The following SDK2 variants were observed in gnomAD, a reference collection of about 807,000 sequenced individuals.
SDK2 encodes protein sidekick-2.
In SDK2, 105 loss-of-function variants were observed where a neutral mutation model predicts 253.9. The observed-to-expected ratio is 0.41, with a 90% CI of 0.35 to 0.49. The LOEUF is 0.49. Ranked by LOEUF, SDK2 falls within the 20% of genes least tolerant of loss-of-function variation. The probability of loss-of-function intolerance (pLI) is 0.06; values close to 1 mark genes in which losing one functional copy is unlikely to be tolerated. For missense variants in SDK2, 2,608 were observed against 3,003.0 expected (o/e 0.87, Z 3.07); for synonymous variants, 1,249 against 1,234.9 (o/e 1.01, Z -0.24).
Position 73,612,876 on chromosome 17 carries a change from C to A in SDK2, c.64+31149G>T, listed in dbSNP as rs1342827454. ...AAGTTGCAGTGAGCCAAGATCGCGC[C>A]ATTGCACTCCAGCCTGGGTGACAGA... is the stretch of plus-strand genomic sequence containing the variant. On this transcript the variant is annotated intron_variant, in intron 1 of 44. Coordinates refer to ENST00000392650, the MANE Select transcript of SDK2 (RefSeq NM_001144952.2). The surrounding 1 kb of genome is among the most constrained non-coding windows in gnomAD (Gnocchi z 4.4). 6.6e-6 allele frequency among the ~76,000 whole-genome samples: 1 copy of A among 152,122 alleles called. No homozygotes were observed. The highest frequency in any genetic ancestry group is 1.5e-5 in the Non-Finnish European group (1 of 68,036).
intron 41 of SDK2, among the ~76,000 whole-genome samples, chr17:73,351,731 C>A (rs566512197): frequency 6.6e-6 from 1 of 152,310 alleles, no homozygotes; most frequent in East Asian, 1.9e-4. Context: ...CCAGCCAGGA[C>A]TACCCATGCT....
intron 13 of SDK2, among the ~76,000 whole-genome samples, 173 bp from the exon 14 acceptor site, chr17:73,423,695 TCCTGCTAAAGCCATCCTCACACCCC>T (rs1398640438): frequency 6.6e-6 from 1 of 152,166 alleles, no homozygotes; most frequent in Non-Finnish European, 1.5e-5. Flanking sequence ...ACCAGAGCCC[TCCTGCTAAAGCCATCCTCACACCCC>T]CCTGCTCTTG....
intron 1 of SDK2, among the ~76,000 whole-genome samples, chr17:73,611,521 G>A (rs1419775001): frequency 6.6e-6 from 1 of 152,230 alleles, no homozygotes; most frequent in Non-Finnish European, 1.5e-5. Context: ...CCAACACCTT[G>A]GCTGGGTGTG....
chr17:73,543,413 A>G (rs1391234317), intron 1 of SDK2, among the ~76,000 whole-genome samples: 3 of 152,224 alleles, frequency 2.0e-5, no homozygotes, highest in Non-Finnish European at 4.4e-5. Flanking sequence ...CACTCTGAGG[A>G]CAGGTGTGTG....
intron 1 of SDK2, among the ~76,000 whole-genome samples, chr17:73,545,099 G>GCACACACACACACACACACACA (rs58966207): frequency 0.041 from 6,000 of 145,500 alleles, 170 homozygotes; most frequent in African/African-American, 0.07. Flanking sequence ...GCACGTGCAC[G>GCACACACACACACACACACACA]CACACACACA....
chr17:73,610,047 C>A (rs56375046), intron 1 of SDK2, among the ~76,000 whole-genome samples: 1 of 152,110 alleles, frequency 6.6e-6, no homozygotes, highest in Admixed American at 6.5e-5. Flanking sequence ...ATCAGCCCCA[C>A]GGAGACATGG....
At chr17:73,349,720 T>A (rs563112761) in intron 43 of SDK2, among the ~76,000 whole-genome samples, 31 of 152,204 alleles carry the variant, frequency 2.0e-4, no homozygotes, top group African/African-American at 7.2e-4. Context: ...CTTTAATAGG[T>A]ATAAATAAGG....
chr17:73,459,325 T>C (rs2063549019), intron 3 of SDK2, among the ~76,000 whole-genome samples: 1 of 152,192 alleles, frequency 6.6e-6, no homozygotes, highest in African/African-American at 2.4e-5. Context: ...AACTCCTCAC[T>C]GCCCTGGGAA....
intron 2 of SDK2, among the ~76,000 whole-genome samples, chr17:73,497,091 T>G (rs1170794562): frequency 6.6e-6 from 1 of 151,996 alleles, no homozygotes; most frequent in South Asian, 2.1e-4. Flanking sequence ...GAGACGGGGG[T>G]TTCACCATAT....
rs1055782501 is a variant in SDK2 at position 73,383,950 on chromosome 17, A to C, written c.4631T>G (p.Leu1544Arg). 2 of 1,613,874 alleles carry C rather than the reference A, an allele frequency of 1.2e-6. No individual in the cohort carries two copies. Among genetic ancestry groups the C allele is most frequent in the African/African-American group, 1.3e-5 (1 of 75,024 alleles). The change falls in exon 33 of 45, where the codon CTG (leucine) becomes CGG (arginine). Residue 1544 changes from leucine to arginine, a missense_variant. This residue lies in a region of SDK2 where 1,103 missense variants were observed against 1,143.9 expected (regional missense o/e 0.96). Coordinates refer to ENST00000392650, the MANE Select transcript of SDK2 (RefSeq NM_001144952.2). The surrounding 1 kb of genome is among the most constrained non-coding windows in gnomAD (Gnocchi z 4.3). ...LLGFRIRYRE[L>R]LYEGLRGFTL... ...GAAGCCCCTCAGTCCTTCATAGAGC[A>C]GCTCCCGGTATCGGATCCGGAAGCC...
chr17:73,441,064 T>TCCAGACACTGACCC, intron 5 of SDK2, 141 bp from the exon 6 acceptor site: 1 of 620,226 alleles, frequency 1.6e-6, no homozygotes, highest in Admixed American at 3.0e-5. Context: ...AGAGCAGACC[T>TCCAGACACTGACCC]CCAGACACTG....
intron 1 of SDK2, among the ~76,000 whole-genome samples, chr17:73,582,080 A>G (rs1339281230): frequency 1.3e-5 from 2 of 152,232 alleles, no homozygotes; most frequent in African/African-American, 4.8e-5. Context: ...AGCAGGGGAC[A>G]GTGTCTGATC....
In SDK2 at chr17:73,642,104, C is replaced by T. The variant is rs758391108; in HGVS notation, c.64+1921G>A. ...CTGCTTCTGACAGGGAAGCCCCTCC[C>T]GCAGGAGGCGCAGGGACAGGGGGCC... is the stretch of plus-strand genomic sequence containing the variant. On this transcript the variant is annotated intron_variant, in intron 1 of 44. Transcript: ENST00000392650. The surrounding 1 kb of genome is among the most constrained non-coding windows in gnomAD (Gnocchi z 4.7). Among the ~76,000 whole-genome samples the T allele has an allele frequency of 7.2e-5, 11 of 152,192 alleles. No individual in the cohort carries two copies. The highest frequency in any genetic ancestry group is 1.3e-4 in the Non-Finnish European group (9 of 68,050).
At chr17:73,393,267 A>C (rs950449547) in intron 27 of SDK2, among the ~76,000 whole-genome samples, 1 of 150,600 alleles carries the variant, frequency 6.6e-6, no homozygotes, top group African/African-American at 2.4e-5. Flanking sequence ...AAAAAAAAGA[A>C]AAGTAAATTA....
chr17:73,526,854 G>C (rs2064129929), intron 1 of SDK2, among the ~76,000 whole-genome samples: 1 of 152,202 alleles, frequency 6.6e-6, no homozygotes, highest in Non-Finnish European at 1.5e-5. Context: ...TCTTTGATGA[G>C]CATGCAATAA....
At position 73,447,546 on chromosome 17, in the gene SDK2, C is replaced by T. The variant is rs563675581; in HGVS notation, c.613+69G>A. ...TCTGCCACTCCATCTTCCCAATGATCCCCTGGAGCACCATTGCTAAGATTT... is the reference window on the plus strand; with the variant it reads ...TCTGCCACTCCATCTTCCCAATGATTCCCTGGAGCACCATTGCTAAGATTT... On this transcript the variant is annotated intron_variant, in intron 5 of 44. Coordinates refer to ENST00000392650, the MANE Select transcript of SDK2 (RefSeq NM_001144952.2). This position sits in a 1 kb window ranked among gnomAD's most constrained non-coding sequence, Gnocchi z 4.0. 2 of 1,532,102 alleles carry T rather than the reference C, an allele frequency of 1.3e-6. No individual in the cohort carries two copies. The highest frequency in any genetic ancestry group is 1.8e-6 in the Non-Finnish European group (2 of 1,131,564). The allele number at this position is 1,532,102 out of a possible 1,614,324, so 94.9% of individuals were successfully genotyped here. A position where few individuals can be genotyped will look rare whatever the true frequency, so the allele number is the denominator to read the frequency against.
chr17:73,346,434 C>T (rs1383473362), intron 44 of SDK2, among the ~76,000 whole-genome samples: 2 of 150,872 alleles, frequency 1.3e-5, no homozygotes, highest in Non-Finnish European at 2.9e-5. Flanking sequence ...AAAACTTGGG[C>T]TCTTCTTTTG....
intron 1 of SDK2, among the ~76,000 whole-genome samples, chr17:73,600,017 C>A (rs2045814861): frequency 6.6e-6 from 1 of 152,238 alleles, no homozygotes; most frequent in Non-Finnish European, 1.5e-5. Context: ...CCCGTAGCAG[C>A]CCCTCGTCAC....
chr17:73,390,602 C>T, intron 28 of SDK2, 121 bp from the exon 29 acceptor site: 3 of 1,047,038 alleles, frequency 2.9e-6, no homozygotes, highest in Non-Finnish European at 4.1e-6. Flanking sequence ...TGCCGTGGTC[C>T]CTTTGGCTGT....
Sources: gnomAD v4.1 joint callset for allele counts (sites outside exome capture counted in the v4.1 genomes callset) on GRCh38, gnomAD v4.1.1 for gene constraint, gnomAD v4.1.1 regional missense constraint, Gnocchi (gnomAD v3.1) non-coding constraint, MANE v1.5 for transcripts, NCBI Gene and HGNC (gene_info 2026-07-23, HGNC 2026-07-21) for gene names.